The following SLC30A5 variants were observed in gnomAD, a reference collection of about 807,000 sequenced individuals.
SLC30A5 encodes the protein solute carrier family 30 member 5.
Under a neutral mutation model 79.6 loss-of-function variants are expected in SLC30A5, and 33 were observed. The observed-to-expected ratio is 0.41, with a 90% CI of 0.31 to 0.55. The LOEUF (loss-of-function observed/expected upper bound fraction) is 0.55. Ranked by LOEUF, SLC30A5 falls within the 20% of genes least tolerant of loss-of-function variation. SLC30A5 has a pLI of 0.20. For synonymous variants in SLC30A5, 299 were observed against 319.7 expected (o/e 0.94, Z 0.69); for missense variants, 788 against 928.1 (o/e 0.85, Z 1.96).
chr5:69,102,094 C>T (rs546658130), intron 2 of SLC30A5, among the ~76,000 whole-genome samples: 8 of 117,496 alleles, frequency 6.8e-5, no homozygotes, highest in Non-Finnish European at 1.3e-4. Flanking sequence ...GGCTAGGTTG[C>T]GCAGGCTGGA....
chr5:69,116,652 A>C lies in SLC30A5; in HGVS notation c.1281+50A>C. ...CATATCCTAAAAGCATAATATTTTAATTTTGACAGTTCTGGTATAAGTTTA... is the reference window on the plus strand; with the variant it reads ...CATATCCTAAAAGCATAATATTTTACTTTTGACAGTTCTGGTATAAGTTTA... On this transcript the variant is annotated intron_variant, in intron 10 of 15. Transcript: ENST00000396591. This position sits in a 1 kb window ranked among gnomAD's most constrained non-coding sequence, Gnocchi z 4.0. The C allele has an allele frequency of 7.8e-7, 1 of 1,275,754 alleles. No individual in the cohort carries two copies. Among genetic ancestry groups the C allele is most frequent in the South Asian group, 1.8e-5 (1 of 56,560 alleles). 79.0% of individuals were successfully genotyped at this position (1,275,754 alleles called of 1,614,324 possible). A position where few individuals can be genotyped will look rare whatever the true frequency, so the allele number is the denominator to read the frequency against.
At chr5:69,108,744 C>T (rs1412432917) in intron 5 of SLC30A5, among the ~76,000 whole-genome samples, 1 of 150,500 alleles carries the variant, frequency 6.6e-6, no homozygotes, top group Non-Finnish European at 1.5e-5. Context: ...ATTGCTTGAA[C>T]CTGGGAGGCG....
chr5:69,119,343 C>T lies in SLC30A5; in HGVS notation c.1569+715C>T, dbSNP rs944565495. ...CCTGCCTAATTTTTGGAAATACTTT[C>T]TTTTAATCCCCCTCTTCTCTCCACA... is the stretch of plus-strand genomic sequence containing the variant. On this transcript the variant is annotated intron_variant, in intron 12 of 15. Transcript: ENST00000396591. Among the ~76,000 whole-genome samples, 20 of 151,998 alleles carry T rather than the reference C, an allele frequency of 1.3e-4. No individual in the cohort carries two copies. The South Asian group carries it at 4.1e-3, about 32-fold the overall frequency.
chr5:69,108,624 C>G (rs1399786744), intron 5 of SLC30A5, among the ~76,000 whole-genome samples, 188 bp downstream of exon 5: 1 of 152,114 alleles, frequency 6.6e-6, no homozygotes, highest in Admixed American at 6.6e-5. Context: ...GAGCTTGAGA[C>G]CAGCCTAGCC....
chr5:69,117,770 G>A (rs1359207748), intron 11 of SLC30A5, among the ~76,000 whole-genome samples: 4 of 151,866 alleles, frequency 2.6e-5, no homozygotes, highest in Non-Finnish European at 4.4e-5. Context: ...CCAGCTACTC[G>A]GGAGGTTGAG....
intron 8 of SLC30A5, 142 bp downstream of exon 8, chr5:69,115,549 G>GT: frequency 1.0e-4 from 68 of 682,608 alleles, no homozygotes; most frequent in Non-Finnish European, 1.4e-4. Context: ...TTTCTTTGTA[G>GT]TTTTTTAAAA....
chr5:69,113,193 C>G lies in SLC30A5; in HGVS notation c.501C>G (p.Asp167Glu). Residue 167 changes from aspartate (D) to glutamate (E), a missense_variant, in exon 6 of 16, where the codon GAC becomes GAG. Asp to Glu is a conservative substitution (Grantham distance 45). Around this residue, in one of 3 missense-constraint regions of SLC30A5, gnomAD observed 626 missense variants for 755.5 expected, o/e 0.83. Transcript: ENST00000396591. ...CTGTGATCTGTTTATTGCTTTTTGA[C>G]AATGATGATCTCATGGCTAAAATGG... ...IIAVICLLLFDNDDLMAKMAE... is the reference protein window; with the variant it reads ...IIAVICLLLFENDDLMAKMAE... 1 of 1,613,426 alleles carries G rather than the reference C, an allele frequency of 6.2e-7. No homozygotes were observed. Among genetic ancestry groups the G allele is most frequent in the Non-Finnish European group, 8.5e-7 (1 of 1,179,788 alleles).
intron 5 of SLC30A5, among the ~76,000 whole-genome samples, chr5:69,112,640 A>C (rs1303177584): frequency 8.5e-5 from 13 of 152,138 alleles, no homozygotes; most frequent in Non-Finnish European, 1.8e-4. Context: ...TGGAATGAGA[A>C]CATAAATTTT....
chr5:69,114,872 A>T (rs1746321485), intron 7 of SLC30A5, among the ~76,000 whole-genome samples: 1 of 152,196 alleles, frequency 6.6e-6, no homozygotes, highest in African/African-American at 2.4e-5. Context: ...TCTCAAAAAA[A>T]ATAAAATAAA....
chr5:69,106,916 A>T (rs934954679), intron 4 of SLC30A5, among the ~76,000 whole-genome samples: 16 of 150,894 alleles, frequency 1.1e-4, no homozygotes, highest in Non-Finnish European at 1.9e-4. Flanking sequence ...TTCAGACTAG[A>T]GTATATGGCA....
At chr5:69,126,937 C>T (rs1217471331) in intron 14 of SLC30A5, among the ~76,000 whole-genome samples, 1 of 151,102 alleles carries the variant, frequency 6.6e-6, no homozygotes, top group African/African-American at 2.4e-5. Context: ...CCTTCCCATT[C>T]TACAAAAAGC....
At position 69,094,312 on chromosome 5, in the gene SLC30A5, T is replaced by C. The variant is rs1268837350; in HGVS notation, c.57T>C (p.Leu19=). The C allele has an allele frequency of 8.8e-6, 11 of 1,254,916 alleles. No individual in the cohort carries two copies. The highest frequency in any genetic ancestry group is 1.1e-5 in the Non-Finnish European group (11 of 992,760). The allele number at this position is 1,254,916 out of a possible 1,614,324, so 77.7% of individuals were successfully genotyped here. ...CCGGCCCCGGCGGCGGCGGCGGCCT[T>C]GGGCCGGTGGACGTACCCAGCGCTC... is the stretch of plus-strand genomic sequence containing the variant. The part of the protein sequence containing the change: ...VLAGPGGGGG[L]GPVDVPSARL... The change falls in exon 1 of 16, where the codon CTT becomes CTC. Residue 19 remains leucine, a synonymous_variant. Coordinates refer to ENST00000396591, the MANE Select transcript of SLC30A5 (RefSeq NM_022902.5).
chr5:69,100,006 T>A (rs1745863007), intron 1 of SLC30A5, among the ~76,000 whole-genome samples: 2 of 152,360 alleles, frequency 1.3e-5, no homozygotes, highest in Admixed American at 1.3e-4. Context: ...TCTCGCTCTG[T>A]TACCTAGGCT....
intron 2 of SLC30A5, chr5:69,102,711 ATTGGC>A (rs1405648083): frequency 6.5e-6 from 1 of 153,512 alleles, no homozygotes; most frequent in Non-Finnish European, 1.4e-5. Context: ...AATACGAAAA[ATTGGC>A]TGGGCGTGGT....
At position 69,094,180 on chromosome 5, in the gene SLC30A5, C is replaced by T. The variant is rs571389202; in HGVS notation, c.-76C>T. On this transcript the variant is annotated 5_prime_UTR_variant, in exon 1 of 16. Transcript: ENST00000396591. ...CCATGGGGGAGTGACGCGCCTGCAC[C>T]CGCTGTTCCGCGGCAGCGGCGAGAC... is the stretch of plus-strand genomic sequence containing the variant. 3 of 782,374 alleles carry T rather than the reference C, an allele frequency of 3.8e-6. No homozygotes were observed. In the South Asian group the frequency reaches 1.9e-4, roughly 49 times the overall value. 48.5% of individuals were successfully genotyped at this position (782,374 alleles called of 1,614,324 possible).
At chr5:69,101,044 G>C in intron 2 of SLC30A5, 115 bp downstream of exon 2, 1 of 1,044,474 alleles carries the variant, frequency 9.6e-7, no homozygotes, top group Non-Finnish European at 1.3e-6. Context: ...CTCCTGACAA[G>C]TATTTGATAA....
intron 12 of SLC30A5, among the ~76,000 whole-genome samples, chr5:69,121,389 C>CA (rs1180143622): frequency 6.6e-6 from 1 of 152,124 alleles, no homozygotes; most frequent in Admixed American, 6.5e-5. Context: ...ATAAACAAAA[C>CA]AAAACTTTGC....
chr5:69,115,523 T>A, intron 8 of SLC30A5, 116 bp downstream of exon 8: 1 of 830,018 alleles, frequency 1.2e-6, no homozygotes, highest in Non-Finnish European at 1.8e-6. Flanking sequence ...GAAAGTGGCT[T>A]AAATTGTCTT....
intron 12 of SLC30A5, 92 bp from the exon 13 acceptor site, chr5:69,121,602 C>T: frequency 1.1e-6 from 1 of 894,676 alleles, no homozygotes; most frequent in East Asian, 2.8e-5. Context: ...AAACTGTAAA[C>T]AGAAAAACAT....
Sources: allele counts gnomAD v4.1 joint callset (sites outside exome capture counted in the v4.1 genomes callset), GRCh38; gene constraint gnomAD v4.1.1; regional missense constraint gnomAD v4.1.1; non-coding constraint Gnocchi (gnomAD v3.1); transcripts MANE v1.5; gene names NCBI Gene and HGNC (gene_info 2026-07-23, HGNC 2026-07-21).